Variants in DIS3L2 observed in about 807,000 individuals in gnomAD.
DIS3L2 encodes DIS3 like 3'-5' exoribonuclease 2.
A neutral mutation model predicts 97.5 loss-of-function variants in DIS3L2; 34 were observed. The observed-to-expected ratio is 0.35, with a 90% CI of 0.27 to 0.46. DIS3L2 has a LOEUF of 0.46. Ranked by LOEUF, DIS3L2 falls within the 20% of genes least tolerant of loss-of-function variation. The pLI is 1.00. For synonymous variants in DIS3L2, 435 were observed against 445.2 expected, an observed-to-expected ratio of 0.98 and a Z score of 0.29; for missense variants, 1,038 against 1,146.0, an observed-to-expected ratio of 0.91 and a Z score of 1.36.
At chr2:231,982,683 AT>A (rs111376702) in intron 1 of DIS3L2, among the ~76,000 whole-genome samples, 345 of 142,302 alleles carry the variant, frequency 2.4e-3, no homozygotes, top group Middle Eastern at 7.1e-3. Context: ...TTATTCAAGC[AT>A]TTTTTTTTTT....
intron 9 of DIS3L2, chr2:232,172,674 G>C (rs1691028481): frequency 1.9e-6 from 1 of 533,828 alleles, no homozygotes; most frequent in Non-Finnish European, 3.8e-6. Context: ...TAGGTCATAT[G>C]GTCAGTCTAC....
chr2:232,082,403 GTGAGCA>G (rs1443515996), intron 5 of DIS3L2, among the ~76,000 whole-genome samples: 1 of 152,224 alleles, frequency 6.6e-6, no homozygotes, highest in African/African-American at 2.4e-5. Context: ...CAGTGGGCAA[GTGAGCA>G]TTACCGCTTG....
At chr2:232,192,794 T>A (rs367552040) in intron 9 of DIS3L2, among the ~76,000 whole-genome samples, 12 of 152,176 alleles carry the variant, frequency 7.9e-5, no homozygotes, top group Admixed American at 7.2e-4. Flanking sequence ...ACTTTTTTGG[T>A]CCCAAGTAAC....
chr2:232,321,057 G>T lies in DIS3L2; in HGVS notation c.1740-8756G>T, dbSNP rs150005736. 4.7e-3 allele frequency among the ~76,000 whole-genome samples: 714 copies of T among 152,306 alleles called. 3 individuals carry two copies. Among genetic ancestry groups the T allele is most frequent in the African/African-American group, 0.016 (648 of 41,564 alleles). On this transcript the variant is annotated intron_variant, in intron 14 of 20. Transcript: ENST00000325385. ...GCAGAGGGGGCAGAGTGGAAATCCA[G>T]GGTGGCCTAAGAGTCTGGGTGCCTG...
At chr2:232,287,402 C>G (rs901965651) in intron 13 of DIS3L2, among the ~76,000 whole-genome samples, 1 of 87,416 alleles carries the variant, frequency 1.1e-5, no homozygotes, top group African/African-American at 5.3e-5. Flanking sequence ...CCCCCCCCCC[C>G]CGCTTTTATT....
intron 8 of DIS3L2, among the ~76,000 whole-genome samples, chr2:232,148,748 CTTTTTTT>C (rs34837114): frequency 3.6e-4 from 36 of 98,890 alleles, no homozygotes; most frequent in Admixed American, 7.0e-4. Flanking sequence ...AATTTTCTTT[CTTTTTTT>C]TTTTTTTTTT....
At chr2:232,050,600 T>A (rs1695374816) in intron 5 of DIS3L2, among the ~76,000 whole-genome samples, 1 of 152,184 alleles carries the variant, frequency 6.6e-6, no homozygotes, top group Admixed American at 6.5e-5. Context: ...CTTAAGCTTC[T>A]AGCCTATGTC....
At chr2:232,317,680 G>A (rs1406301166) in intron 14 of DIS3L2, among the ~76,000 whole-genome samples, 5 of 152,022 alleles carry the variant, frequency 3.3e-5, no homozygotes, top group African/African-American at 9.7e-5. Flanking sequence ...CAAGGGATCT[G>A]CTCACCTCAG....
At chr2:232,002,594 A>G (rs912352360) in intron 1 of DIS3L2, among the ~76,000 whole-genome samples, 1 of 152,054 alleles carries the variant, frequency 6.6e-6, no homozygotes, top group Admixed American at 6.6e-5. Flanking sequence ...TTCTATTTGA[A>G]TTGCATTTTT....
At chr2:232,012,496 G>A (rs1011976868) in intron 1 of DIS3L2, among the ~76,000 whole-genome samples, 8 of 147,944 alleles carry the variant, frequency 5.4e-5, no homozygotes, top group Admixed American at 5.3e-4. Flanking sequence ...CAATTCCAGC[G>A]CTTGTTTTTG....
chr2:232,316,254 T>A (rs1695272944), intron 14 of DIS3L2, among the ~76,000 whole-genome samples: 2 of 151,994 alleles, frequency 1.3e-5, no homozygotes, highest in Non-Finnish European at 2.9e-5. Flanking sequence ...AAGGAAGGAG[T>A]CATTCTACAG....
chr2:232,280,705 A>T (rs1694259137), intron 13 of DIS3L2, among the ~76,000 whole-genome samples: 1 of 152,164 alleles, frequency 6.6e-6, no homozygotes, highest in Admixed American at 6.5e-5. Context: ...TGTTTGATGG[A>T]AATCTGTGAG....
intron 12 of DIS3L2, 51 bp downstream of exon 12, chr2:232,249,397 A>G (rs1280918719): frequency 6.4e-7 from 1 of 1,568,760 alleles, no homozygotes; most frequent in Admixed American, 1.8e-5. Context: ...CTGTTCCATG[A>G]GTCATGAAGC....
intron 9 of DIS3L2, among the ~76,000 whole-genome samples, chr2:232,190,316 A>C (rs1691575858): frequency 6.6e-6 from 1 of 152,222 alleles, no homozygotes; most frequent in African/African-American, 2.4e-5. Flanking sequence ...CCTGGGCAAC[A>C]GAGTGAGACC....
intron 10 of DIS3L2, among the ~76,000 whole-genome samples, chr2:232,230,899 A>G (rs113323461): frequency 0.012 from 1,753 of 152,202 alleles, 39 homozygotes; most frequent in African/African-American, 0.04. Flanking sequence ...CCCTAGACAC[A>G]GCAAGCTTGC....
At chr2:232,070,586 T>TC (rs1695985772) in intron 5 of DIS3L2, among the ~76,000 whole-genome samples, 1 of 151,548 alleles carries the variant, frequency 6.6e-6, no homozygotes, top group African/African-American at 2.4e-5. Flanking sequence ...AGGTTATGGT[T>TC]CTTTTTTTTT....
intron 14 of DIS3L2, among the ~76,000 whole-genome samples, chr2:232,303,321 A>ATGGGAAAAT (rs147609650): frequency 0.064 from 9,667 of 152,194 alleles, 856 homozygotes; most frequent in East Asian, 0.44. Context: ...TTTTCCCTAC[A>ATGGGAAAAT]ATGCCTGAAT....
downstream of DIS3L2, among the ~76,000 whole-genome samples, chr2:232,339,369 G>C (rs1030293308): frequency 5.9e-5 from 9 of 152,236 alleles, no homozygotes; most frequent in East Asian, 3.8e-4. Context: ...AGCGCCGCCA[G>C]GAGGCAGGAA....
chr2:232,256,490 G>T (rs969472349), intron 12 of DIS3L2, among the ~76,000 whole-genome samples: 1 of 152,206 alleles, frequency 6.6e-6, no homozygotes, highest in Non-Finnish European at 1.5e-5. Flanking sequence ...GAACTATGTT[G>T]TGTACCAGTT....
Sources: allele counts gnomAD v4.1 joint callset (sites outside exome capture counted in the v4.1 genomes callset), GRCh38; gene constraint gnomAD v4.1.1; transcripts MANE v1.5; gene names NCBI Gene and HGNC (gene_info 2026-07-23, HGNC 2026-07-21).